AGMO: variants seen among roughly 807,000 people sequenced by gnomAD.
AGMO encodes the protein glyceryl-ether monooxygenase.
AGMO carries 75 observed loss-of-function variants against 60.2 expected under a neutral mutation model. That is an observed-to-expected ratio of 1.25 (90% CI 1.03 to 1.51). The LOEUF (loss-of-function observed/expected upper bound fraction) is 1.51. Ranked by LOEUF, AGMO falls within the 40% of genes most tolerant of loss-of-function variation. The probability of loss-of-function intolerance (pLI) is 0.00; values close to 1 mark genes in which losing one functional copy is unlikely to be tolerated. For synonymous variants in AGMO, 261 were observed against 177.1 expected (o/e 1.47, Z -3.76); for missense variants, 763 against 525.5 (o/e 1.45, Z -4.42).
At chr7:15,134,698 A>C in the AGMO span, among the ~76,000 whole-genome samples, 1 of 151,966 alleles carries the variant, frequency 6.6e-6, no homozygotes, top group South Asian at 2.1e-4. Flanking sequence ...TATCTGGTCT[A>C]CCTTTGATGG....
At chr7:15,225,432 C>A (rs1017077809) in intron 12 of AGMO, among the ~76,000 whole-genome samples, 3 of 151,712 alleles carry the variant, frequency 2.0e-5, no homozygotes, top group Admixed American at 6.6e-5. Flanking sequence ...ATGTTTTGCT[C>A]CAAATCCCTT....
chr7:15,405,688 G>C (rs1051309100), intron 5 of AGMO, among the ~76,000 whole-genome samples: 1 of 151,770 alleles, frequency 6.6e-6, no homozygotes, highest in African/African-American at 2.4e-5. Context: ...ATTAATCCAC[G>C]TAACACTCTT....
chr7:15,435,715 C>A (rs190284826), intron 3 of AGMO, among the ~76,000 whole-genome samples: 38 of 152,052 alleles, frequency 2.5e-4, no homozygotes, highest in African/African-American at 9.2e-4. Context: ...TTCATGAAAT[C>A]CAGTTTATAT....
At position 15,462,855 on chromosome 7, in the gene AGMO, T is replaced by C. The variant is rs866542365; in HGVS notation, c.410-31747A>G. On this transcript the variant is annotated intron_variant, in intron 3 of 12. Transcript: ENST00000342526. ...TCAGTGAACAAAGTAGAATCACTCA[T>C]GTCTGCCCTAAAAGTATCTTCTAAA... Among the ~76,000 whole-genome samples the C allele has an allele frequency of 3.3e-5, 5 of 152,262 alleles. No individual in the cohort carries two copies. The South Asian group carries it at 1.0e-3, about 32-fold the overall frequency.
chr7:15,264,890 C>T (rs985890343), intron 12 of AGMO, among the ~76,000 whole-genome samples: 5 of 151,882 alleles, frequency 3.3e-5, no homozygotes, highest in African/African-American at 1.2e-4. Context: ...TCGAAGAACT[C>T]AAAACAGAAC....
intron 3 of AGMO, among the ~76,000 whole-genome samples, chr7:15,441,417 T>G (rs1276113240): frequency 6.6e-6 from 1 of 152,248 alleles, no homozygotes; most frequent in Non-Finnish European, 1.5e-5. Flanking sequence ...GCACTAACAT[T>G]AACACCGTGA....
intron 2 of AGMO, 60 bp from the exon 3 acceptor site, chr7:15,544,983 AAATGTT>A (rs1784737826): frequency 8.2e-7 from 1 of 1,218,720 alleles, no homozygotes; most frequent in Admixed American, 2.8e-5. Context: ...AATTACGCTA[AAATGTT>A]TTAGATAACA....
At chr7:15,255,360 T>C (rs1257232433) in intron 12 of AGMO, among the ~76,000 whole-genome samples, 1 of 151,846 alleles carries the variant, frequency 6.6e-6, no homozygotes, top group East Asian at 1.9e-4. Context: ...TAAAGCACAA[T>C]AAAAAAAGTT....
the AGMO span, among the ~76,000 whole-genome samples, chr7:15,118,135 A>C: frequency 6.6e-6 from 1 of 150,814 alleles, no homozygotes; most frequent in Non-Finnish European, 1.5e-5. Context: ...ATGAGAGTCA[A>C]GGTTAAATTG....
At chr7:15,279,727 G>A (rs1783907400) in intron 12 of AGMO, among the ~76,000 whole-genome samples, 2 of 152,160 alleles carry the variant, frequency 1.3e-5, no homozygotes, top group Admixed American at 1.3e-4. Flanking sequence ...GCAGAAAACT[G>A]TAAGCCTCCA....
rs1030068231 is a variant in AGMO at position 15,440,257 on chromosome 7, T to G, written c.410-9149A>C. Reference sequence around the variant, plus strand: ...GAACACAAGCTCACAAACATGCATTTTGTTGAGAAAAGGTGCTTCAAATTC... The same window carrying G: ...GAACACAAGCTCACAAACATGCATTGTGTTGAGAAAAGGTGCTTCAAATTC... On this transcript the variant is annotated intron_variant, in intron 3 of 12. Coordinates refer to ENST00000342526, the MANE Select transcript of AGMO (RefSeq NM_001004320.2). 2.6e-5 allele frequency among the ~76,000 whole-genome samples: 4 copies of G among 152,160 alleles called. No homozygotes were observed. The East Asian group carries it at 7.7e-4, about 29-fold the overall frequency.
At chr7:15,176,276 A>G in the AGMO span, among the ~76,000 whole-genome samples, 4 of 151,914 alleles carry the variant, frequency 2.6e-5, no homozygotes, top group Admixed American at 2.0e-4. Flanking sequence ...CCTCCTCTGC[A>G]TGATGAAGAC....
intron 12 of AGMO, among the ~76,000 whole-genome samples, chr7:15,211,584 C>A (rs986782322): frequency 4.6e-5 from 7 of 151,310 alleles, no homozygotes; most frequent in Non-Finnish European, 8.9e-5. Flanking sequence ...TTTATACAAG[C>A]CTTTTGAAAC....
At chr7:15,265,331 G>T (rs1318192628) in intron 12 of AGMO, among the ~76,000 whole-genome samples, 1 of 151,948 alleles carries the variant, frequency 6.6e-6, no homozygotes, top group Non-Finnish European at 1.5e-5. Flanking sequence ...ACTACCTGTT[G>T]GGTACTATGC....
chr7:15,532,752 A>G (rs1338869376), intron 3 of AGMO, among the ~76,000 whole-genome samples: 2 of 152,084 alleles, frequency 1.3e-5, no homozygotes, highest in Non-Finnish European at 2.9e-5. Context: ...GCACTTTGGG[A>G]GGCCGAGGTG....
At chr7:15,406,570 A>ACG (rs1784700056) in intron 5 of AGMO, among the ~76,000 whole-genome samples, 1 of 131,814 alleles carries the variant, frequency 7.6e-6, no homozygotes, top group African/African-American at 2.9e-5. Context: ...ACACACACAC[A>ACG]CACACACACA....
intron 5 of AGMO, among the ~76,000 whole-genome samples, chr7:15,397,380 T>TCTCTCCC (rs770457092): frequency 2.0e-5 from 3 of 151,712 alleles, no homozygotes; most frequent in Non-Finnish European, 4.4e-5. Context: ...CCCGCACCTC[T>TCTCTCCC]CTCTCCCTCC....
chr7:15,398,186 C>T (rs1003119127), intron 5 of AGMO, among the ~76,000 whole-genome samples: 2 of 152,114 alleles, frequency 1.3e-5, no homozygotes, highest in East Asian at 3.9e-4. Context: ...AATTTCTGAT[C>T]CTAGGCCCTG....
chr7:15,286,831 C>T (rs1460014575), intron 12 of AGMO, among the ~76,000 whole-genome samples: 3 of 152,122 alleles, frequency 2.0e-5, no homozygotes, highest in East Asian at 1.9e-4. Flanking sequence ...TCTAAGTACC[C>T]ATCAACCAAT....
Sources: gnomAD v4.1 joint callset for allele counts (sites outside exome capture counted in the v4.1 genomes callset) on GRCh38, gnomAD v4.1.1 for gene constraint, MANE v1.5 for transcripts, NCBI Gene and HGNC (gene_info 2026-07-23, HGNC 2026-07-21) for gene names.